ZFAND3: variants seen among roughly 807,000 people sequenced by gnomAD.
ZFAND3 encodes the protein AN1-type zinc finger protein 3.
A neutral mutation model predicts 29.6 loss-of-function variants in ZFAND3; 10 were observed. That is an observed-to-expected ratio of 0.34 (90% CI 0.21 to 0.57). The LOEUF is 0.57. Among genes scored for constraint, ZFAND3 ranks in the 20% least tolerant of loss-of-function variants. ZFAND3 has a pLI of 0.86. For synonymous variants in ZFAND3, 128 were observed against 112.6 expected (o/e 1.14, Z -0.87); for missense variants, 230 against 304.5 (o/e 0.76, Z 1.82).
intron 5 of ZFAND3, among the ~76,000 whole-genome samples, chr6:38,135,746 ATT>A (rs1765828454): frequency 4.0e-5 from 6 of 151,380 alleles, no homozygotes; most frequent in African/African-American, 1.5e-4. Context: ...CTCCATCTCA[ATT>A]AAAAAAAAAA....
chr6:38,045,791 C>G (rs1346689553), intron 2 of ZFAND3, among the ~76,000 whole-genome samples: 2 of 152,032 alleles, frequency 1.3e-5, no homozygotes, highest in East Asian at 1.9e-4. Flanking sequence ...GTAGTAAGAC[C>G]AAGATGAGGA....
intron 2 of ZFAND3, among the ~76,000 whole-genome samples, chr6:38,051,076 G>C (rs1257841210): frequency 6.6e-6 from 1 of 152,106 alleles, no homozygotes; most frequent in Non-Finnish European, 1.5e-5. Context: ...TTTGTGAATA[G>C]AGGGAAGCAA....
At chr6:37,895,975 ACTATT>A (rs1765196151) in intron 1 of ZFAND3, among the ~76,000 whole-genome samples, 1 of 152,162 alleles carries the variant, frequency 6.6e-6, no homozygotes, top group Non-Finnish European at 1.5e-5. Context: ...GGGAACACGC[ACTATT>A]CTAGGCCCTG....
In ZFAND3 at chr6:37,846,704, A is replaced by ATT. The variant is rs59448343; in HGVS notation, c.71+26700_71+26701dup. Among the ~76,000 whole-genome samples the ATT allele has an allele frequency of 7.7e-3, 1,081 of 140,924 alleles. 10 individuals are homozygous for ATT. The highest frequency in any genetic ancestry group is 0.011 in the Non-Finnish European group (690 of 64,290). 92.5% of individuals were successfully genotyped at this position (140,924 alleles called of 152,430 possible). A position where few individuals can be genotyped will look rare whatever the true frequency, so the allele number is the denominator to read the frequency against. On this transcript the variant is annotated intron_variant, in intron 1 of 5. Coordinates refer to ENST00000287218, the MANE Select transcript of ZFAND3 (RefSeq NM_021943.3). ...GGCAATCCTATAATTTATACTTGTG[A>ATT]TTTTTTTTTTTTTGTTTTTTTTTTT...
chr6:37,970,795 C>T (rs953462162), intron 2 of ZFAND3, among the ~76,000 whole-genome samples: 2 of 152,104 alleles, frequency 1.3e-5, no homozygotes, highest in Non-Finnish European at 2.9e-5. Context: ...GTCCCAGCTA[C>T]TTGGGAGGCT....
intron 1 of ZFAND3, among the ~76,000 whole-genome samples, chr6:37,847,298 G>A (rs746680317): frequency 2.0e-5 from 3 of 152,130 alleles, no homozygotes; most frequent in East Asian, 1.9e-4. Flanking sequence ...TCAATCGGCC[G>A]GGTGTGGTTG....
chr6:37,822,672 G>T (rs1465983498), intron 1 of ZFAND3, among the ~76,000 whole-genome samples: 1 of 152,134 alleles, frequency 6.6e-6, no homozygotes, highest in African/African-American at 2.4e-5. Flanking sequence ...ACCCTAGCTG[G>T]GGTGGAGGTA....
intron 1 of ZFAND3, among the ~76,000 whole-genome samples, chr6:37,913,746 T>C (rs1259902300): frequency 1.4e-5 from 2 of 142,182 alleles, no homozygotes; most frequent in African/African-American, 5.0e-5. Context: ...GTTTTGCTCT[T>C]GTTGCCCAGG....
chr6:37,926,399 C>A (rs1212705426), intron 1 of ZFAND3, among the ~76,000 whole-genome samples: 1 of 152,170 alleles, frequency 6.6e-6, no homozygotes, highest in African/African-American at 2.4e-5. Context: ...CTGGGGGCTG[C>A]CCCAGCATTC....
intron 2 of ZFAND3, among the ~76,000 whole-genome samples, chr6:38,041,339 G>A (rs1319033736): frequency 6.6e-6 from 1 of 151,788 alleles, no homozygotes; most frequent in Non-Finnish European, 1.5e-5. Context: ...TTTTCTTCAT[G>A]GAAATTTCAC....
chr6:37,916,195 T>C (rs1367453331), intron 1 of ZFAND3, among the ~76,000 whole-genome samples: 1 of 151,946 alleles, frequency 6.6e-6, no homozygotes, highest in Admixed American at 6.6e-5. Flanking sequence ...ATTGTAGATA[T>C]AATAATAATG....
At position 37,902,737 on chromosome 6, in the gene ZFAND3, CTT is replaced by C. The variant is rs11448512; in HGVS notation, c.72-27200_72-27199del. Among the ~76,000 whole-genome samples the C allele has an allele frequency of 1.4e-3, 143 of 100,418 alleles. 1 individual carries two copies. Among genetic ancestry groups the C allele is most frequent in the African/African-American group, 5.4e-3 (136 of 25,252 alleles). 65.9% of individuals were successfully genotyped at this position (100,418 alleles called of 152,430 possible). A position where few individuals can be genotyped will look rare whatever the true frequency, so the allele number is the denominator to read the frequency against. On this transcript the variant is annotated intron_variant, in intron 1 of 5. Coordinates refer to ENST00000287218, the MANE Select transcript of ZFAND3 (RefSeq NM_021943.3). ...TGCAGCAGCAAGCTTCTTTTACTTA[CTT>C]TTTTTTTTTTTTTTTTTTTTTAAGA...
chr6:37,884,449 G>A (rs1381866626), intron 1 of ZFAND3, among the ~76,000 whole-genome samples: 5 of 131,520 alleles, frequency 3.8e-5, no homozygotes, highest in African/African-American at 6.7e-5. Context: ...AGCCAAGATC[G>A]CGCCATTGCA....
At position 37,962,446 on chromosome 6, in the gene ZFAND3, C is replaced by T. The variant is rs372764366; in HGVS notation, c.112+32447C>T. 1.8e-3 allele frequency among the ~76,000 whole-genome samples: 271 copies of T among 152,268 alleles called. 2 individuals are homozygous for T. The highest frequency in any genetic ancestry group is 6.3e-3 in the African/African-American group (260 of 41,544). On this transcript the variant is annotated intron_variant, in intron 2 of 5. Coordinates refer to ENST00000287218, the MANE Select transcript of ZFAND3 (RefSeq NM_021943.3). The stretch of plus-strand genomic sequence containing the variant: ...GAAAGTTTATTCAAATGGCAGGAAA[C>T]CTTACAAACCTAGAGAAAACTATCA...
chr6:37,916,518 G>T (rs907528839), intron 1 of ZFAND3, among the ~76,000 whole-genome samples: 10 of 152,086 alleles, frequency 6.6e-5, no homozygotes, highest in African/African-American at 9.7e-5. Context: ...AAATTAGCTG[G>T]GCGTGGTGGC....
intron 2 of ZFAND3, among the ~76,000 whole-genome samples, chr6:38,029,905 GA>G (rs926887870): frequency 4.0e-5 from 6 of 151,820 alleles, no homozygotes; most frequent in African/African-American, 1.4e-4. Context: ...ATACAAATAA[GA>G]AAAACATAAA....
chr6:38,141,846 G>A (rs1450347143), intron 5 of ZFAND3, among the ~76,000 whole-genome samples: 1 of 152,192 alleles, frequency 6.6e-6, no homozygotes, highest in Non-Finnish European at 1.5e-5. Flanking sequence ...GGGCAAAATG[G>A]CAAAAGGGAT....
At chr6:38,117,073 A>G (rs1256416810) in intron 5 of ZFAND3, among the ~76,000 whole-genome samples, 1 of 152,166 alleles carries the variant, frequency 6.6e-6, no homozygotes, top group Non-Finnish European at 1.5e-5. Context: ...AAGTTTACCA[A>G]ACAAGCAAAA....
In ZFAND3 at chr6:37,977,583, G is replaced by A. The variant is rs556079622; in HGVS notation, c.112+47584G>A. ...CTCCCAAAGTGCTGGGATTGCTTACGGACATGAGCCACTGCACCCAGCCTA... is the reference window on the plus strand; with the variant it reads ...CTCCCAAAGTGCTGGGATTGCTTACAGACATGAGCCACTGCACCCAGCCTA... On this transcript the variant is annotated intron_variant, in intron 2 of 5. Transcript: ENST00000287218. Among the ~76,000 whole-genome samples the A allele has an allele frequency of 5.3e-4, 81 of 152,132 alleles. No homozygotes were observed. In the South Asian group the frequency reaches 9.5e-3, roughly 18 times the overall value.
Sources: gnomAD v4.1 joint callset for allele counts (sites outside exome capture counted in the v4.1 genomes callset) on GRCh38, gnomAD v4.1.1 for gene constraint, MANE v1.5 for transcripts, NCBI Gene and HGNC (gene_info 2026-07-23, HGNC 2026-07-21) for gene names.